Variants in SPAG9 observed in about 807,000 individuals in gnomAD.
SPAG9 encodes sperm associated antigen 9.
In SPAG9, 35 loss-of-function variants were observed where a neutral mutation model predicts 166.5. The observed-to-expected ratio is 0.21, with a 90% CI of 0.16 to 0.28. The LOEUF (loss-of-function observed/expected upper bound fraction) is 0.28, where lower values mean the gene tolerates loss of function less well. SPAG9 is among the 10% of genes least tolerant of loss of function. The pLI is 1.00. For missense variants in SPAG9, 1,235 were observed against 1,603.3 expected, an observed-to-expected ratio of 0.77 and a Z score of 3.92; for synonymous variants, 534 against 565.5, an observed-to-expected ratio of 0.94 and a Z score of 0.79.
In SPAG9 at chr17:51,041,609, A is replaced by C. The variant is rs1387939794; in HGVS notation, c.633T>G (p.Ala211=). The change falls in exon 5 of 30, where the codon GCT becomes GCG. Residue 211 remains alanine (A), a synonymous_variant. Coordinates refer to ENST00000262013, the MANE Select transcript of SPAG9 (RefSeq NM_001130528.3). The stretch of plus-strand genomic sequence containing the variant: ...CATCAGGTGTAAGCAATCCATCTCC[A>C]GCAGGTAATGGGAAAATTCCTAATG... The part of the protein sequence containing the change: ...PISLGIFPLP[A]GDGLLTPDAQ... The C allele has an allele frequency of 6.2e-7, 1 of 1,613,948 alleles. No homozygotes were observed. Among genetic ancestry groups the C allele is most frequent in the Admixed American group, 1.7e-5 (1 of 60,032 alleles).
intron 2 of SPAG9, among the ~76,000 whole-genome samples, chr17:51,068,392 A>G (rs2047731504): frequency 6.6e-6 from 1 of 152,208 alleles, no homozygotes; most frequent in Non-Finnish European, 1.5e-5. Context: ...TCATGAATCA[A>G]TGATCATATT....
intron 2 of SPAG9, among the ~76,000 whole-genome samples, chr17:51,077,726 C>T (rs2048057431): frequency 3.3e-5 from 5 of 152,122 alleles, no homozygotes; most frequent in Admixed American, 3.3e-4. Context: ...TCTCAGCTCA[C>T]TGCAACCTCC....
At chr17:50,972,613 G>A (rs1055508487) in intron 28 of SPAG9, among the ~76,000 whole-genome samples, 3 of 152,232 alleles carry the variant, frequency 2.0e-5, no homozygotes, top group Non-Finnish European at 2.9e-5. Context: ...AGAATCTGCT[G>A]TCCTTTGGTC....
chr17:51,022,628 C>T (rs2045983051), intron 6 of SPAG9, among the ~76,000 whole-genome samples: 1 of 147,238 alleles, frequency 6.8e-6, no homozygotes, highest in East Asian at 1.9e-4. Context: ...ACAGCCACCA[C>T]CACTAATAAT....
In SPAG9 at chr17:51,053,837, A is replaced by T. The variant is rs1003794956; in HGVS notation, c.495+2575T>A. Among the ~76,000 whole-genome samples, 20 of 33,880 alleles carry T rather than the reference A, an allele frequency of 5.9e-4. 1 individual carries two copies. The highest frequency in any genetic ancestry group is 2.7e-3 in the South Asian group (4 of 1,470). 22.2% of individuals were successfully genotyped at this position (33,880 alleles called of 152,430 possible). ...TGGGAAACAGAGTGAGACCCTAATT[A>T]AAAAAAAAAAAAAAAAAGTATATAT... On this transcript the variant is annotated intron_variant, in intron 3 of 29. Coordinates refer to ENST00000262013, the MANE Select transcript of SPAG9 (RefSeq NM_001130528.3).
Position 51,102,843 on chromosome 17 carries a change from C to T in SPAG9, c.303+17511G>A, listed in dbSNP as rs114962663. ...ACTGTTATTTTTAGAGATGGGGTCTCGCTATGTTGCCCAGCTGGCCTTGAA... is the reference window on the plus strand; with the variant it reads ...ACTGTTATTTTTAGAGATGGGGTCTTGCTATGTTGCCCAGCTGGCCTTGAA... On this transcript the variant is annotated intron_variant, in intron 1 of 29. Coordinates refer to ENST00000262013, the MANE Select transcript of SPAG9 (RefSeq NM_001130528.3). 9.0e-3 allele frequency among the ~76,000 whole-genome samples: 1,369 copies of T among 152,138 alleles called. 22 individuals are homozygous for T. Among genetic ancestry groups the T allele is most frequent in the African/African-American group, 0.032 (1,318 of 41,500 alleles).
At chr17:51,066,963 TC>T (rs1458007685) in intron 2 of SPAG9, among the ~76,000 whole-genome samples, 1 of 152,212 alleles carries the variant, frequency 6.6e-6, no homozygotes, top group Non-Finnish European at 1.5e-5. Flanking sequence ...GTATATTCTC[TC>T]CTGCCTAACA....
chr17:50,979,687 G>C lies in SPAG9; in HGVS notation c.3409+59C>G, dbSNP rs184826561. The C allele has an allele frequency of 2.9e-3, 4,368 of 1,507,218 alleles. 24 individuals carry two copies. The highest frequency in any genetic ancestry group is 8.7e-3 in the South Asian group (747 of 86,078). 93.4% of individuals were successfully genotyped at this position (1,507,218 alleles called of 1,614,324 possible). On this transcript the variant is annotated intron_variant, in intron 26 of 29. Coordinates refer to ENST00000262013, the MANE Select transcript of SPAG9 (RefSeq NM_001130528.3). ...AAGACCTCATTTCAATAAACACATA[G>C]ATAGATAAAATAAAACACCCTCTTT...
Position 51,061,658 on chromosome 17 carries a change from A to G in SPAG9, c.425-5176T>C, listed in dbSNP as rs201982599. Among the ~76,000 whole-genome samples, 8 of 150,924 alleles carry G rather than the reference A, an allele frequency of 5.3e-5. No individual in the cohort carries two copies. In the East Asian group the frequency reaches 7.8e-4, roughly 15 times the overall value. On this transcript the variant is annotated intron_variant, in intron 2 of 29. Coordinates refer to ENST00000262013, the MANE Select transcript of SPAG9 (RefSeq NM_001130528.3). ...AAAAAGGCTTGTGGGAAGGAGACATATAACAGAATATACCATTAATTTTGG... is the reference window on the plus strand; with the variant it reads ...AAAAAGGCTTGTGGGAAGGAGACATGTAACAGAATATACCATTAATTTTGG...
chr17:51,055,310 G>A (rs533968303), intron 3 of SPAG9, among the ~76,000 whole-genome samples: 14 of 152,096 alleles, frequency 9.2e-5, no homozygotes, highest in Middle Eastern at 3.4e-3. Context: ...CCGAGATTGC[G>A]CCACTGCACT....
At chr17:51,051,890 C>T (rs2047194453) in intron 3 of SPAG9, among the ~76,000 whole-genome samples, 1 of 152,098 alleles carries the variant, frequency 6.6e-6, no homozygotes, top group South Asian at 2.1e-4. Flanking sequence ...TCAAACACTC[C>T]CTGATGTGAG....
chr17:51,028,849 A>G (rs555565912), intron 6 of SPAG9, among the ~76,000 whole-genome samples: 20 of 152,294 alleles, frequency 1.3e-4, no homozygotes, highest in African/African-American at 4.8e-4. Context: ...TTCCTATTTT[A>G]TATTAGACTT....
intron 2 of SPAG9, among the ~76,000 whole-genome samples, chr17:51,063,331 G>C (rs2047569924): frequency 3.3e-5 from 5 of 150,966 alleles, no homozygotes; most frequent in Admixed American, 3.3e-4. Flanking sequence ...AGGATCGTTT[G>C]AACCTGGGAG....
intron 1 of SPAG9, among the ~76,000 whole-genome samples, chr17:51,115,585 CT>C: frequency 6.6e-6 from 1 of 152,166 alleles, no homozygotes; most frequent in South Asian, 2.1e-4. Context: ...AATCCCAGCA[CT>C]TTAGGAGGCC....
intron 1 of SPAG9, among the ~76,000 whole-genome samples, chr17:51,093,696 A>AG (rs2048533855): frequency 1.4e-5 from 2 of 147,804 alleles, no homozygotes; most frequent in African/African-American, 4.9e-5. Flanking sequence ...CTCCGTCTCA[A>AG]AAAAAAAAAA....
At chr17:51,031,613 G>A in intron 6 of SPAG9, 68 bp downstream of exon 6, 1 of 1,075,234 alleles carries the variant, frequency 9.3e-7, no homozygotes. Flanking sequence ...AATAGCAGTT[G>A]AGGAAGTAAT....
Position 51,079,621 on chromosome 17 carries a change from T to C in SPAG9, c.387A>G (p.Arg129=), listed in dbSNP as rs2048108402. Residue 129 remains arginine (R), a synonymous_variant, in exon 2 of 30, where the codon AGA becomes AGG. Transcript: ENST00000262013. The stretch of plus-strand genomic sequence containing the variant: ...AGTTTTTCGCTTTCAGCTCAAGTTG[T>C]CTTGTTTGAGATTCTAAAGATTCCA... ...TRVESLESQT[R]QLELKAKNYA... 2 of 1,613,878 alleles carry C rather than the reference T, an allele frequency of 1.2e-6. No homozygotes were observed. Among genetic ancestry groups the C allele is most frequent in the Non-Finnish European group, 1.7e-6 (2 of 1,179,904 alleles).
chr17:51,081,298 A>G (rs188067692), intron 1 of SPAG9, among the ~76,000 whole-genome samples: 1 of 152,198 alleles, frequency 6.6e-6, no homozygotes, highest in East Asian at 1.9e-4. Context: ...TAAAAACACA[A>G]AAATTAGCTG....
Position 51,007,267 on chromosome 17 carries a change from A to T in SPAG9, c.1271+2T>A. On this transcript the variant is annotated splice_donor_variant, in intron 10 of 29. Coordinates refer to ENST00000262013, the MANE Select transcript of SPAG9 (RefSeq NM_001130528.3). LOFTEE classifies it high-confidence loss of function. ...TTCTGTTAAAATTTCACATATACTT[A>T]CTTGGTTTCCAACAGTTGTGTATTT... The T allele has an allele frequency of 6.5e-7, 1 of 1,542,262 alleles. No individual in the cohort carries two copies. Among genetic ancestry groups the T allele is most frequent in the Non-Finnish European group, 8.9e-7 (1 of 1,125,014 alleles).
Sources: gnomAD v4.1 joint callset for allele counts (sites outside exome capture counted in the v4.1 genomes callset) on GRCh38, gnomAD v4.1.1 for gene constraint, MANE v1.5 for transcripts, NCBI Gene and HGNC (gene_info 2026-07-23, HGNC 2026-07-21) for gene names.